GRM5: variants seen among roughly 807,000 people sequenced by gnomAD.
GRM5 encodes metabotropic glutamate receptor 5.
Under a neutral mutation model 83.1 loss-of-function variants are expected in GRM5, and 19 were observed. That is an observed-to-expected ratio of 0.23 (90% confidence interval 0.16 to 0.34). The LOEUF (loss-of-function observed/expected upper bound fraction) is 0.34, where lower values mean the gene tolerates loss of function less well. Among genes scored for constraint, GRM5 ranks in the 10% least tolerant of loss-of-function variants. The pLI, the probability that GRM5 is intolerant of heterozygous loss-of-function variation, is 1.00. For missense variants in GRM5, 1,160 were observed against 1,588.3 expected (o/e 0.73, Z 4.58); for synonymous variants, 675 against 633.6 (o/e 1.07, Z -0.98).
intron 2 of GRM5, among the ~76,000 whole-genome samples, chr11:88,963,705 T>C (rs1345116578): frequency 6.6e-6 from 1 of 152,200 alleles, no homozygotes; most frequent in African/African-American, 2.4e-5. Flanking sequence ...TTGGATGTTT[T>C]ATGGTATGTG....
intron 4 of GRM5, among the ~76,000 whole-genome samples, chr11:88,648,741 A>C (rs916249933): frequency 6.6e-6 from 1 of 151,520 alleles, no homozygotes; most frequent in South Asian, 2.1e-4. Context: ...AGGAATGTAG[A>C]CTCCTCACAC....
At chr11:88,839,340 A>C (rs2135528771) in intron 3 of GRM5, among the ~76,000 whole-genome samples, 1 of 152,322 alleles carries the variant, frequency 6.6e-6, no homozygotes, top group African/African-American at 2.4e-5. Context: ...TACCTTCCTT[A>C]ATTTATAAAG....
At chr11:88,902,196 T>C (rs1945324702) in intron 2 of GRM5, among the ~76,000 whole-genome samples, 1 of 152,048 alleles carries the variant, frequency 6.6e-6, no homozygotes, top group Non-Finnish European at 1.5e-5. Flanking sequence ...AGTTTATCTT[T>C]TGAACCTGAT....
At chr11:89,065,728 T>C (rs1942086765) in intron 1 of GRM5, 48 bp downstream of exon 1, 1 of 152,284 alleles carries the variant, frequency 6.6e-6, no homozygotes, top group Admixed American at 6.5e-5. Context: ...CGGTATCCTA[T>C]ATCCGTGGTA....
rs569861948 is a variant in GRM5, at chr11:88,587,987, C to T, written c.1690+2614G>A. On this transcript the variant is annotated intron_variant, in intron 7 of 9. Transcript: ENST00000305447. ...TTGTTCCAAGGATTTAATCCACAAA[C>T]CTAGGCTGGGAAGAAACGATAATTA... Among the ~76,000 whole-genome samples, 5 of 152,252 alleles carry T rather than the reference C, an allele frequency of 3.3e-5. No individual in the cohort carries two copies. In the South Asian group the frequency reaches 6.2e-4, roughly 19 times the overall value.
At chr11:88,657,105 A>G (rs1767797164) in intron 3 of GRM5, among the ~76,000 whole-genome samples, 1 of 152,206 alleles carries the variant, frequency 6.6e-6, no homozygotes, top group Non-Finnish European at 1.5e-5. Context: ...TCAACAATTT[A>G]TATTAACTAA....
chr11:88,511,642 A>G (rs1941372157), intron 9 of GRM5: 1 of 152,182 alleles, frequency 6.6e-6, no homozygotes, highest in Admixed American at 6.5e-5. Context: ...CATCCATAGT[A>G]GCAGAGGGGG....
chr11:88,512,029 A>C (rs1040965544), intron 9 of GRM5: 1 of 152,224 alleles, frequency 6.6e-6, no homozygotes, highest in Non-Finnish European at 1.5e-5. Flanking sequence ...CTAGCTTTTA[A>C]AAAGTTTCTC....
At chr11:88,693,607 C>A (rs543548460) in intron 3 of GRM5, among the ~76,000 whole-genome samples, 1 of 152,192 alleles carries the variant, frequency 6.6e-6, no homozygotes, top group Non-Finnish European at 1.5e-5. Context: ...CCACCGATCA[C>A]GGTACTAGGA....
At chr11:88,854,336 T>C (rs962749592) in intron 2 of GRM5, among the ~76,000 whole-genome samples, 1 of 151,862 alleles carries the variant, frequency 6.6e-6, no homozygotes, top group African/African-American at 2.4e-5. Flanking sequence ...GGGGCGTCAC[T>C]CTAATAAGCT....
intron 3 of GRM5, among the ~76,000 whole-genome samples, chr11:88,670,578 T>C (rs1185657089): frequency 6.6e-6 from 1 of 151,692 alleles, no homozygotes; most frequent in Non-Finnish European, 1.5e-5. Context: ...ATATTTAAAG[T>C]ATATGAATAA....
rs533661267 is a variant in GRM5, at chr11:88,845,681, C to T, written c.911+4225G>A. On this transcript the variant is annotated intron_variant, in intron 3 of 9. Coordinates refer to ENST00000305447, the MANE Select transcript of GRM5 (RefSeq NM_001143831.3). The stretch of plus-strand genomic sequence containing the variant: ...ATCTCCTGACTTCATGATCCACCCG[C>T]CTCTGCCTCCCAAAGTGCTGGGATT... Among the ~76,000 whole-genome samples the T allele has an allele frequency of 3.9e-5, 6 of 152,028 alleles. No homozygotes were observed. The South Asian group carries it at 1.2e-3, about 32-fold the overall frequency.
At chr11:88,915,987 C>T (rs1022168335) in intron 2 of GRM5, among the ~76,000 whole-genome samples, 3 of 152,116 alleles carry the variant, frequency 2.0e-5, no homozygotes, top group Non-Finnish European at 1.5e-5. Flanking sequence ...TCCTGAAAGG[C>T]TATGGTCACA....
intron 2 of GRM5, among the ~76,000 whole-genome samples, chr11:89,000,937 G>T (rs1047884058): frequency 7.3e-5 from 11 of 151,468 alleles, no homozygotes; most frequent in African/African-American, 2.7e-4. Context: ...TGAAAAAAAA[G>T]CACATAAAAA....
In GRM5 at chr11:88,590,611, A is replaced by T. The variant is rs202020552; in HGVS notation, c.1680T>A (p.Asp560Glu). Reference protein sequence around the residue: ...KACQLGSWPTDDLTGCDLIPV... With the variant: ...KACQLGSWPTEDLTGCDLIPV... ...ATTGTGATAGATTACCTGTGAGATC[A>T]TCAGTGGGCCAAGACCCCAGTTGGC... Residue 560 changes from aspartate (D) to glutamate (E), a missense_variant, in exon 7 of 10, where the codon GAT becomes GAA. Coordinates refer to ENST00000305447, the MANE Select transcript of GRM5 (RefSeq NM_001143831.3). 6.2e-7 allele frequency: 1 copy of T among 1,611,978 alleles called. No homozygotes were observed.
chr11:88,892,270 C>A (rs1041859937), intron 2 of GRM5, among the ~76,000 whole-genome samples: 1 of 151,496 alleles, frequency 6.6e-6, no homozygotes, highest in African/African-American at 2.4e-5. Context: ...GCTTGCAGAG[C>A]TGATAAAAGC....
At chr11:88,842,976 A>G (rs1944230228) in intron 3 of GRM5, among the ~76,000 whole-genome samples, 2 of 152,206 alleles carry the variant, frequency 1.3e-5, no homozygotes, top group Non-Finnish European at 2.9e-5. Flanking sequence ...TAAAGGTACT[A>G]TCATTCCTAT....
chr11:88,888,008 G>T (rs890601435), intron 2 of GRM5, among the ~76,000 whole-genome samples: 1 of 152,042 alleles, frequency 6.6e-6, no homozygotes, highest in African/African-American at 2.4e-5. Flanking sequence ...CTTAACCGGG[G>T]CCACCTCCAA....
At chr11:88,681,565 C>CTATT (rs1554992836) in intron 3 of GRM5, among the ~76,000 whole-genome samples, 1 of 25,402 alleles carries the variant, frequency 3.9e-5, no homozygotes, top group African/African-American at 1.1e-4. Flanking sequence ...TGAGTTCTTC[C>CTATT]TTTTTTTTTT....
Sources: gnomAD v4.1 joint callset for allele counts (sites outside exome capture counted in the v4.1 genomes callset) on GRCh38, gnomAD v4.1.1 for gene constraint, MANE v1.5 for transcripts, NCBI Gene and HGNC (gene_info 2026-07-23, HGNC 2026-07-21) for gene names.